Variants in CYP3A7 observed in about 807,000 individuals in gnomAD.
CYP3A7 encodes cytochrome P450 family 3 subfamily A member 7, also known as cytochrome P450 3A7.
CYP3A7 carries 45 observed loss-of-function variants against 55.2 expected under a neutral mutation model. That is an observed-to-expected ratio of 0.82 (90% CI 0.64 to 1.05). The LOEUF (loss-of-function observed/expected upper bound fraction) is 1.05, where lower values mean the gene tolerates loss of function less well. Ranked by LOEUF, CYP3A7 falls within the 50% of genes least tolerant of loss-of-function variation. The pLI, the probability that CYP3A7 is intolerant of heterozygous loss-of-function variation, is 0.00. For missense variants in CYP3A7, 548 were observed against 605.3 expected (o/e 0.91, Z 0.99); for synonymous variants, 180 against 207.4 (o/e 0.87, Z 1.13).
At chr7:99,708,692 A>G (rs540254350) in intron 11 of CYP3A7, among the ~76,000 whole-genome samples, 2 of 152,282 alleles carry the variant, frequency 1.3e-5, no homozygotes, top group South Asian at 4.1e-4. Flanking sequence ...ATTCCTGAAG[A>G]TTTGAGTATA....
chr7:99,730,734 A>G (rs1298224921), intron 2 of CYP3A7: 1 of 302,254 alleles, frequency 3.3e-6, no homozygotes. Context: ...CTAACTAAGT[A>G]TGGCTGTACC....
At position 99,709,894 on chromosome 7, in the gene CYP3A7, GA is replaced by G. The variant is rs1218342228; in HGVS notation, c.1027-634del. On this transcript the variant is annotated intron_variant, in intron 10 of 12. Coordinates refer to ENST00000336374, the MANE Select transcript of CYP3A7 (RefSeq NM_000765.5). ...ATAAAATCTCTATCAATAATTTGAGGAAAAACTAGTCCCTTTCTATCCCAAA... is the reference window on the plus strand; with the variant it reads ...ATAAAATCTCTATCAATAATTTGAGGAAAACTAGTCCCTTTCTATCCCAAA... Among the ~76,000 whole-genome samples the G allele has an allele frequency of 2.6e-5, 4 of 152,068 alleles. No homozygotes were observed. In the East Asian group the frequency reaches 7.7e-4, roughly 29 times the overall value.
At chr7:99,717,752 A>G (rs1038915500) in intron 4 of CYP3A7, 113 bp from the exon 5 acceptor site, 2 of 1,326,904 alleles carry the variant, frequency 1.5e-6, no homozygotes, top group African/African-American at 1.5e-5. Flanking sequence ...GTGACTGTCT[A>G]CTAAGTGACA....
At chr7:99,708,463 A>C (rs932220659) in intron 11 of CYP3A7, among the ~76,000 whole-genome samples, 4 of 151,012 alleles carry the variant, frequency 2.6e-5, no homozygotes, top group East Asian at 2.0e-4. Flanking sequence ...ACCTTGTCTT[A>C]CCCCTCCTTC....
intron 2 of CYP3A7, among the ~76,000 whole-genome samples, chr7:99,727,274 A>G (rs1287413590): frequency 3.3e-5 from 5 of 152,204 alleles, no homozygotes; most frequent in African/African-American, 1.2e-4. Context: ...TAGGCTGGTC[A>G]TCATGTCTCT....
chr7:99,733,867 G>A (rs1469142470), intron 1 of CYP3A7, among the ~76,000 whole-genome samples: 1 of 152,182 alleles, frequency 6.6e-6, no homozygotes. Flanking sequence ...ATTTGAAATG[G>A]GGGTATTAAA....
Position 99,705,363 on chromosome 7 carries a change from A to G in CYP3A7, c.*137T>C. 1 of 1,000,428 alleles carries G rather than the reference A, an allele frequency of 1.0e-6. No homozygotes were observed. Among genetic ancestry groups the G allele is most frequent in the Admixed American group, 2.0e-5 (1 of 50,376 alleles). 62.0% of individuals were successfully genotyped at this position (1,000,428 alleles called of 1,614,324 possible). A position where few individuals can be genotyped will look rare whatever the true frequency, so the allele number is the denominator to read the frequency against. ...CCATGAGAGAGCACAATGCACGTAC[A>G]GAATCCCTGATTATTTATGCAGCAC... On this transcript the variant is annotated 3_prime_UTR_variant, in exon 13 of 13. Transcript: ENST00000336374.
At chr7:99,710,710 T>C in intron 10 of CYP3A7, 22 bp downstream of exon 10, 1 of 1,613,710 alleles carries the variant, frequency 6.2e-7, no homozygotes, top group Non-Finnish European at 8.5e-7. Flanking sequence ...CCTCCCTCCT[T>C]CTCCATGTAC....
At chr7:99,713,654 G>A (rs147322234) in intron 8 of CYP3A7, 119 bp from the exon 9 acceptor site, 6 of 1,361,676 alleles carry the variant, frequency 4.4e-6, no homozygotes, top group Non-Finnish European at 6.2e-6. Flanking sequence ...CCAGAAATCT[G>A]ATGGGTGTTG....
chr7:99,714,350 T>A (rs1021285615), intron 8 of CYP3A7, among the ~76,000 whole-genome samples: 1 of 152,194 alleles, frequency 6.6e-6, no homozygotes, highest in Non-Finnish European at 1.5e-5. Flanking sequence ...AAATTTTAAG[T>A]GCTCTCTCTG....
intron 2 of CYP3A7, among the ~76,000 whole-genome samples, chr7:99,725,276 A>T (rs1284162615): frequency 6.6e-6 from 1 of 152,110 alleles, no homozygotes; most frequent in Non-Finnish European, 1.5e-5. Flanking sequence ...GCATTTTATG[A>T]CCCAATCCTC....
At chr7:99,717,921 G>A (rs1004209267) in intron 4 of CYP3A7, among the ~76,000 whole-genome samples, 4 of 152,164 alleles carry the variant, frequency 2.6e-5, no homozygotes, top group Non-Finnish European at 4.4e-5. Flanking sequence ...CCTAGCACGC[G>A]TGCAGTGTAG....
rs936009947 is a variant in CYP3A7, at chr7:99,705,358, C to T, written c.*142G>A. On this transcript the variant is annotated 3_prime_UTR_variant, in exon 13 of 13. Transcript: ENST00000336374. ...ACAGACCATGAGAGAGCACAATGCACGTACAGAATCCCTGATTATTTATGC... is the reference window on the plus strand; with the variant it reads ...ACAGACCATGAGAGAGCACAATGCATGTACAGAATCCCTGATTATTTATGC... 64 of 926,754 alleles carry T rather than the reference C, an allele frequency of 6.9e-5. No individual in the cohort carries two copies. The highest frequency in any genetic ancestry group is 6.4e-5 in the Non-Finnish European group (38 of 596,980). 57.4% of individuals were successfully genotyped at this position (926,754 alleles called of 1,614,324 possible).
chr7:99,720,274 A>G (rs1036860532), intron 4 of CYP3A7, 39 bp downstream of exon 4: 3 of 1,608,706 alleles, frequency 1.9e-6, no homozygotes, highest in African/African-American at 1.3e-5. Context: ...AAATTTAATC[A>G]ATCAATGAGT....
At chr7:99,708,292 A>G (rs529812627) in intron 11 of CYP3A7, among the ~76,000 whole-genome samples, 1 of 152,334 alleles carries the variant, frequency 6.6e-6, no homozygotes, top group African/African-American at 2.4e-5. Context: ...CACATAAGTG[A>G]TGAGAATGAC....
At chr7:99,709,442 A>G (rs1007745529) in intron 10 of CYP3A7, among the ~76,000 whole-genome samples, 181 bp from the exon 11 acceptor site, 6 of 152,156 alleles carry the variant, frequency 3.9e-5, no homozygotes, top group Admixed American at 1.3e-4. Context: ...ATGGCCCACT[A>G]AGATGTGTGG....
In CYP3A7 at chr7:99,705,259, A is replaced by G. The variant is rs909660335; in HGVS notation, c.*241T>C. 2.3e-6 allele frequency: 1 copy of G among 436,978 alleles called. No homozygotes were observed. The highest frequency in any genetic ancestry group is 2.0e-5 in the African/African-American group (1 of 50,024). 27.1% of individuals were successfully genotyped at this position (436,978 alleles called of 1,614,324 possible). ...GGGTGGTGGAGATAGTCCTATGAGAAGCAGAGAAGCCAAATCTACTTCCCC... is the reference window on the plus strand; with the variant it reads ...GGGTGGTGGAGATAGTCCTATGAGAGGCAGAGAAGCCAAATCTACTTCCCC... On this transcript the variant is annotated 3_prime_UTR_variant, in exon 13 of 13. Coordinates refer to ENST00000336374, the MANE Select transcript of CYP3A7 (RefSeq NM_000765.5).
chr7:99,708,061 C>A, intron 11 of CYP3A7, 87 bp from the exon 12 acceptor site: 8 of 1,578,528 alleles, frequency 5.1e-6, no homozygotes, highest in Non-Finnish European at 7.0e-6. Context: ...TAGGGCCCAC[C>A]CCTCTACTAG....
chr7:99,719,180 C>T (rs1213645887), intron 4 of CYP3A7, among the ~76,000 whole-genome samples: 1 of 152,064 alleles, frequency 6.6e-6, no homozygotes, highest in Non-Finnish European at 1.5e-5. Flanking sequence ...AGCAGAGGAC[C>T]AGGAAGAGCT....
Sources: allele counts gnomAD v4.1 joint callset (sites outside exome capture counted in the v4.1 genomes callset), GRCh38; gene constraint gnomAD v4.1.1; transcripts MANE v1.5; gene names NCBI Gene and HGNC (gene_info 2026-07-23, HGNC 2026-07-21).